PARM1: variants seen among roughly 807,000 people sequenced by gnomAD.
The protein encoded by PARM1 is WSC4, cell wall integrity and stress response component 4 homolog.
In PARM1, 14 loss-of-function variants were observed where a neutral mutation model predicts 24.6. The observed-to-expected ratio is 0.57, with a 90% confidence interval of 0.38 to 0.89. The LOEUF is 0.89. Among genes scored for constraint, PARM1 ranks in the 40% least tolerant of loss-of-function variants. The pLI, the probability that PARM1 is intolerant of heterozygous loss-of-function variation, is 0.00. For missense variants in PARM1, 362 were observed against 380.4 expected (o/e 0.95, Z 0.40); for synonymous variants, 179 against 156.6 (o/e 1.14, Z -1.07).
Position 75,047,485 on chromosome 4 carries a change from C to G in PARM1, c.*1238C>G, listed in dbSNP as rs1421257881. 2 of 152,216 alleles carry G rather than the reference C, an allele frequency of 1.3e-5. No homozygotes were observed. 9.4% of individuals were successfully genotyped at this position (152,216 alleles called of 1,614,324 possible). Reference sequence around the variant, plus strand: ...AAGAATTGTTCCTCTTTGTAGGTATCTGTGTATTGCAATCATTCTCAACCA... The same window carrying G: ...AAGAATTGTTCCTCTTTGTAGGTATGTGTGTATTGCAATCATTCTCAACCA... On this transcript the variant is annotated 3_prime_UTR_variant, in exon 4 of 4. Coordinates refer to ENST00000307428, the MANE Select transcript of PARM1 (RefSeq NM_015393.4).
At chr4:75,011,669 A>G (rs1387395590) in intron 1 of PARM1, among the ~76,000 whole-genome samples, 3 of 152,234 alleles carry the variant, frequency 2.0e-5, no homozygotes, top group Non-Finnish European at 4.4e-5. Context: ...AAATTTTACA[A>G]CATATGAAGG....
At chr4:75,030,160 G>A (rs17000108) in intron 2 of PARM1, among the ~76,000 whole-genome samples, 14,617 of 152,190 alleles carry the variant, frequency 0.096, 846 homozygotes, top group African/African-American at 0.16. Context: ...GCTCAGAAGA[G>A]TTGCTATTTA....
At position 75,049,176 on chromosome 4, in the gene PARM1, T is replaced by C. The variant is rs1723670432; in HGVS notation, c.*2929T>C. The C allele has an allele frequency of 6.6e-6, 1 of 152,216 alleles. No individual in the cohort carries two copies. The highest frequency in any genetic ancestry group is 1.9e-4 in the East Asian group (1 of 5,194). 9.4% of individuals were successfully genotyped at this position (152,216 alleles called of 1,614,324 possible). A position where few individuals can be genotyped will look rare whatever the true frequency, so the allele number is the denominator to read the frequency against. On this transcript the variant is annotated 3_prime_UTR_variant, in exon 4 of 4. Transcript: ENST00000307428. ...ATGATGAAAGAGCGGGATTCAACTT[T>C]GTTTTCTTTTCCTGTGGCCCCAGTG... is the stretch of plus-strand genomic sequence containing the variant.
chr4:74,939,257 G>T (rs1721254502), intron 1 of PARM1, among the ~76,000 whole-genome samples: 1 of 152,048 alleles, frequency 6.6e-6, no homozygotes, highest in Admixed American at 6.5e-5. Context: ...CTGTTCATGG[G>T]AAAACATGGA....
At chr4:74,976,799 C>T (rs769040239) in intron 1 of PARM1, among the ~76,000 whole-genome samples, 7 of 152,134 alleles carry the variant, frequency 4.6e-5, no homozygotes, top group East Asian at 3.9e-4. Flanking sequence ...CCTCCAGGTG[C>T]GGGAGGGACC....
At chr4:75,004,062 A>G (rs1040012855) in intron 1 of PARM1, among the ~76,000 whole-genome samples, 5 of 152,204 alleles carry the variant, frequency 3.3e-5, no homozygotes, top group African/African-American at 1.2e-4. Context: ...GCAAACAAAT[A>G]TAACAAAAGT....
At chr4:74,987,229 G>T (rs1047103938) in intron 1 of PARM1, among the ~76,000 whole-genome samples, 8 of 152,110 alleles carry the variant, frequency 5.3e-5, no homozygotes, top group Non-Finnish European at 1.2e-4. Context: ...CTAGAGGAAA[G>T]AATCTGGTCC....
intron 2 of PARM1, among the ~76,000 whole-genome samples, chr4:75,013,585 A>G (rs1578050856): frequency 6.6e-6 from 1 of 152,250 alleles, no homozygotes; most frequent in Non-Finnish European, 1.5e-5. Flanking sequence ...CTGAAATGAC[A>G]TAAAGCACTT....
At chr4:75,044,821 G>A (rs138268270) in intron 3 of PARM1, among the ~76,000 whole-genome samples, 48 of 152,248 alleles carry the variant, frequency 3.2e-4, no homozygotes, top group African/African-American at 9.4e-4. Flanking sequence ...AGGCAAGGAG[G>A]CACAAGTCAC....
At chr4:74,941,240 A>G (rs2109980480) in intron 1 of PARM1, among the ~76,000 whole-genome samples, 1 of 152,320 alleles carries the variant, frequency 6.6e-6, no homozygotes, top group East Asian at 1.9e-4. Flanking sequence ...TCCTTTTTGG[A>G]GACCTATTCA....
intron 1 of PARM1, among the ~76,000 whole-genome samples, chr4:74,936,465 T>TTTG (rs1560768697): frequency 3.5e-5 from 5 of 143,728 alleles, no homozygotes; most frequent in South Asian, 2.3e-4. Flanking sequence ...TTTTTTGTTT[T>TTTG]TTTTTTGAGA....
At position 75,013,040 on chromosome 4, in the gene PARM1, C is replaced by T. The variant is rs773198884; in HGVS notation, c.659C>T (p.Thr220Ile). 1.2e-6 allele frequency: 2 copies of T among 1,613,910 alleles called. No homozygotes were observed. Among genetic ancestry groups the T allele is most frequent in the East Asian group, 2.2e-5 (1 of 44,904 alleles). ...GCTGAGCCAGTACCCCAGGAGAAAA[C>T]ACCCCCAACAACTGTGTCAGGCAAA... Reference protein sequence around the residue: ...ATAEPVPQEKTPPTTVSGKVM... With the variant: ...ATAEPVPQEKIPPTTVSGKVM... Residue 220 changes from threonine (T) to isoleucine (I), a missense_variant, in exon 2 of 4, where the codon ACA becomes ATA. By Grantham distance (89) the Thr-to-Ile change is moderately conservative (BLOSUM62 -1). Coordinates refer to ENST00000307428, the MANE Select transcript of PARM1 (RefSeq NM_015393.4).
At chr4:75,032,447 T>A (rs1482910354) in intron 2 of PARM1, among the ~76,000 whole-genome samples, 1 of 152,146 alleles carries the variant, frequency 6.6e-6, no homozygotes, top group African/African-American at 2.4e-5. Context: ...ACAGGAGCCG[T>A]TCATACCAGC....
chr4:75,037,033 C>A (rs1006719521), intron 3 of PARM1, among the ~76,000 whole-genome samples: 9 of 152,112 alleles, frequency 5.9e-5, no homozygotes, highest in African/African-American at 2.2e-4. Context: ...TGTTATGAAT[C>A]TTAAGGCTAT....
At chr4:75,008,593 C>A (rs541459526) in intron 1 of PARM1, among the ~76,000 whole-genome samples, 2 of 152,216 alleles carry the variant, frequency 1.3e-5, no homozygotes, top group East Asian at 3.9e-4. Flanking sequence ...AAATGTCATT[C>A]GAAAATGGCA....
Position 74,989,302 on chromosome 4 carries a change from A to T in PARM1, c.44-23123A>T, listed in dbSNP as rs377219485. On this transcript the variant is annotated intron_variant, in intron 1 of 3. Coordinates refer to ENST00000307428, the MANE Select transcript of PARM1 (RefSeq NM_015393.4). ...AATCCCAGGAACTAAGTTGCTATTT[A>T]TACTTCTGACCCACTGGCTATAAAT... Among the ~76,000 whole-genome samples the T allele has an allele frequency of 3.3e-3, 509 of 152,290 alleles. 6 individuals carry two copies. The highest frequency in any genetic ancestry group is 0.011 in the African/African-American group (474 of 41,574).
At chr4:74,995,232 A>C (rs1270446557) in intron 1 of PARM1, among the ~76,000 whole-genome samples, 1 of 152,176 alleles carries the variant, frequency 6.6e-6, no homozygotes, top group African/African-American at 2.4e-5. Flanking sequence ...GATGTCTTTA[A>C]GATCCATCTA....
At chr4:75,009,450 C>G (rs1294090300) in intron 1 of PARM1, among the ~76,000 whole-genome samples, 1 of 152,144 alleles carries the variant, frequency 6.6e-6, no homozygotes, top group Non-Finnish European at 1.5e-5. Context: ...TATGGTTGGC[C>G]TTTACCTATT....
intron 1 of PARM1, among the ~76,000 whole-genome samples, chr4:74,959,620 T>A (rs993292311): frequency 1.3e-5 from 2 of 152,216 alleles, no homozygotes; most frequent in African/African-American, 4.8e-5. Context: ...AGCAACTCAT[T>A]TAGTACAAAA....
Sources: gnomAD v4.1 joint callset for allele counts (sites outside exome capture counted in the v4.1 genomes callset) on GRCh38, gnomAD v4.1.1 for gene constraint, MANE v1.5 for transcripts, NCBI Gene and HGNC (gene_info 2026-07-23, HGNC 2026-07-21) for gene names.